Variants in EIF2AK2 observed in about 807,000 individuals in gnomAD.
The protein encoded by EIF2AK2 is interferon-induced, double-stranded RNA-activated protein kinase.
In EIF2AK2, 40 loss-of-function variants were observed where a neutral mutation model predicts 70.5. That is an observed-to-expected ratio of 0.57 (90% confidence interval 0.44 to 0.74). EIF2AK2 has a LOEUF of 0.74. Among genes scored for constraint, EIF2AK2 ranks in the 30% least tolerant of loss-of-function variants. EIF2AK2 has a pLI of 0.00. For missense variants in EIF2AK2, 555 were observed against 644.3 expected (o/e 0.86, Z 1.50); for synonymous variants, 198 against 220.9 (o/e 0.90, Z 0.92).
At chr2:37,142,218 C>T (rs1675359059) in intron 4 of EIF2AK2, among the ~76,000 whole-genome samples, 1 of 152,132 alleles carries the variant, frequency 6.6e-6, no homozygotes, top group South Asian at 2.1e-4. Flanking sequence ...GCAGCCTTGA[C>T]CTCCTGGGTT....
rs1264747200 is a variant in EIF2AK2 at position 37,138,602 on chromosome 2, C to A, written c.517-17G>T. 1 of 1,611,864 alleles carries A rather than the reference C, an allele frequency of 6.2e-7. No homozygotes were observed. Among genetic ancestry groups the A allele is most frequent in the Non-Finnish European group, 8.5e-7 (1 of 1,178,270 alleles). On this transcript the variant is annotated splice_polypyrimidine_tract_variant and intron_variant, in intron 6 of 16. Transcript: ENST00000233057. ...GTCAGATTTCTGAAAGAAAAAGTAT[C>A]CCTTAGTAGGCTTAAATACAACTAA... is the stretch of plus-strand genomic sequence containing the variant.
At chr2:37,145,303 C>T (rs78207933) in intron 4 of EIF2AK2, among the ~76,000 whole-genome samples, 3 of 151,786 alleles carry the variant, frequency 2.0e-5, no homozygotes, top group Non-Finnish European at 2.9e-5. Flanking sequence ...CCACCATGCC[C>T]GGCTAATTTT....
intron 5 of EIF2AK2, 66 bp downstream of exon 5, chr2:37,141,487 C>T (rs571749769): frequency 8.0e-5 from 125 of 1,567,550 alleles, no homozygotes; most frequent in Admixed American, 4.5e-4. Context: ...AAATTAGACA[C>T]GAAAATAAAC....
intron 4 of EIF2AK2, among the ~76,000 whole-genome samples, chr2:37,142,834 C>T (rs1675381319): frequency 6.6e-6 from 1 of 152,140 alleles, no homozygotes; most frequent in Non-Finnish European, 1.5e-5. Flanking sequence ...CTGTGCACAG[C>T]ATGAAATTTT....
chr2:37,145,709 G>C (rs1056206262), intron 4 of EIF2AK2, among the ~76,000 whole-genome samples: 1 of 137,666 alleles, frequency 7.3e-6, no homozygotes, highest in Non-Finnish European at 1.5e-5. Context: ...TTTATGCATG[G>C]TATGTGCCTT....
intron 4 of EIF2AK2, among the ~76,000 whole-genome samples, chr2:37,146,013 C>T (rs963281544): frequency 1.4e-4 from 21 of 152,006 alleles, no homozygotes; most frequent in Non-Finnish European, 2.6e-4. Context: ...CTCAGCTTCC[C>T]AAAGTGCTAG....
At chr2:37,155,275 A>G (rs1402856822) in intron 1 of EIF2AK2, among the ~76,000 whole-genome samples, 1 of 152,168 alleles carries the variant, frequency 6.6e-6, no homozygotes, top group Non-Finnish European at 1.5e-5. Flanking sequence ...AGGCTCTTCC[A>G]CAGTGCTCAT....
At position 37,107,225 on chromosome 2, in the gene EIF2AK2, T is replaced by C. The variant is rs995833347; in HGVS notation, c.*48A>G. Reference sequence around the variant, plus strand: ...ATATTCCCTAGCAGATTTTAGATAATTTAAGGAAAACTGCATATCAGAAGC... The same window carrying C: ...ATATTCCCTAGCAGATTTTAGATAACTTAAGGAAAACTGCATATCAGAAGC... On this transcript the variant is annotated 3_prime_UTR_variant, in exon 17 of 17. Coordinates refer to ENST00000233057, the MANE Select transcript of EIF2AK2 (RefSeq NM_001135651.3). The C allele has an allele frequency of 3.2e-6, 5 of 1,580,708 alleles. No individual in the cohort carries two copies. Among genetic ancestry groups the C allele is most frequent in the Non-Finnish European group, 4.3e-6 (5 of 1,167,190 alleles).
intron 10 of EIF2AK2, among the ~76,000 whole-genome samples, chr2:37,127,812 C>A (rs1220976522): frequency 1.3e-5 from 2 of 151,360 alleles, no homozygotes; most frequent in Non-Finnish European, 2.9e-5. Flanking sequence ...GTGCGATCTC[C>A]GCTCACTGCA....
rs191335407 is a variant in EIF2AK2, at chr2:37,129,616, G to A, written c.786-3205C>T. Among the ~76,000 whole-genome samples, 166 of 152,170 alleles carry A rather than the reference G, an allele frequency of 1.1e-3. No individual in the cohort carries two copies. The Middle Eastern group carries it at 0.024, about 22-fold the overall frequency. ...TTTTGGATACTGGGGCAAGTCTACT[G>A]GCATTAACTGAATACCAAGGCCCAT... On this transcript the variant is annotated intron_variant, in intron 10 of 16. Coordinates refer to ENST00000233057, the MANE Select transcript of EIF2AK2 (RefSeq NM_001135651.3).
chr2:37,146,271 C>T (rs1675536341), intron 4 of EIF2AK2, among the ~76,000 whole-genome samples: 1 of 152,110 alleles, frequency 6.6e-6, no homozygotes, highest in Non-Finnish European at 1.5e-5. Context: ...GATGTTTGCC[C>T]AATGAGGAAA....
At chr2:37,109,493 A>T (rs536055325) in intron 14 of EIF2AK2, 198 bp from the exon 15 acceptor site, 22 of 522,638 alleles carry the variant, frequency 4.2e-5, no homozygotes, top group African/African-American at 4.0e-4. Flanking sequence ...TAAATTAACG[A>T]TCAACATGGG....
rs771766474 is a variant in EIF2AK2 at position 37,137,011 on chromosome 2, G to T, written c.694C>A (p.Leu232Ile). 3 of 1,603,578 alleles carry T rather than the reference G, an allele frequency of 1.9e-6. No homozygotes were observed. The highest frequency in any genetic ancestry group is 2.6e-6 in the Non-Finnish European group (3 of 1,175,854). ...TTTGCCTTCCTTTGATTATTTCTGA[G>T]ACCATTCTATAACAAAAGAAAATGA... is the stretch of plus-strand genomic sequence containing the variant. ...LNSSSLLMNG[L>I]RNNQRKAKRS... is the part of the protein sequence containing the mutation. The change falls in exon 9 of 17, where the codon CTC becomes ATC. Residue 232 changes from leucine (L) to isoleucine (I), a missense_variant. By Grantham distance (5) the Leu-to-Ile change is conservative. This residue lies in a region of EIF2AK2 where 208 missense variants were observed against 191.8 expected (regional missense o/e 1.08). Transcript: ENST00000233057.
At chr2:37,150,956 G>C (rs1006183762) in intron 1 of EIF2AK2, among the ~76,000 whole-genome samples, 1 of 152,162 alleles carries the variant, frequency 6.6e-6, no homozygotes, top group Admixed American at 6.5e-5. Context: ...AAATTTAGAG[G>C]ATATAAAATA....
chr2:37,148,138 C>CG (rs1675619507), intron 2 of EIF2AK2, among the ~76,000 whole-genome samples: 1 of 151,936 alleles, frequency 6.6e-6, no homozygotes, highest in African/African-American at 2.4e-5. Context: ...GGCAACATGG[C>CG]GAAACCCCAT....
rs201533392 is a variant in EIF2AK2 at position 37,107,042 on chromosome 2, T to A, written c.*231A>T. On this transcript the variant is annotated 3_prime_UTR_variant, in exon 17 of 17. Transcript: ENST00000233057. The stretch of plus-strand genomic sequence containing the variant: ...GGGCAACAGAGCGAGACTCTGTCTT[T>A]AAAAAAAAAAAAAGAATAAAGAGAT... The A allele has an allele frequency of 2.0e-3, 607 of 306,674 alleles. No homozygotes were observed. Among genetic ancestry groups the A allele is most frequent in the East Asian group, 2.8e-3 (36 of 12,840 alleles). The allele number at this position is 306,674 out of a possible 1,614,324, so 19.0% of individuals were successfully genotyped here.
At chr2:37,114,067 G>T (rs530542887) in intron 14 of EIF2AK2, among the ~76,000 whole-genome samples, 1 of 152,068 alleles carries the variant, frequency 6.6e-6, no homozygotes, top group Non-Finnish European at 1.5e-5. Flanking sequence ...TAAGAAAATA[G>T]TTAAATACAA....
At chr2:37,145,445 G>A (rs1317051314) in intron 4 of EIF2AK2, among the ~76,000 whole-genome samples, 5 of 152,062 alleles carry the variant, frequency 3.3e-5, no homozygotes, top group East Asian at 1.9e-4. Flanking sequence ...GCCTGGCCGC[G>A]TTTGTGTTTT....
intron 13 of EIF2AK2, among the ~76,000 whole-genome samples, chr2:37,119,741 G>A (rs1674470451): frequency 2.6e-5 from 4 of 151,456 alleles, no homozygotes; most frequent in South Asian, 2.1e-4. Flanking sequence ...ACAGGCGCAC[G>A]CCACCATGCC....
Sources: gnomAD v4.1 joint callset for allele counts (sites outside exome capture counted in the v4.1 genomes callset) on GRCh38, gnomAD v4.1.1 for gene constraint, gnomAD v4.1.1 regional missense constraint, MANE v1.5 for transcripts, NCBI Gene and HGNC (gene_info 2026-07-23, HGNC 2026-07-21) for gene names.